The following BCL11B variants were observed in gnomAD, a reference collection of about 807,000 sequenced individuals.
BCL11B encodes B-cell lymphoma/leukemia 11B.
Under a neutral mutation model 49.9 loss-of-function variants are expected in BCL11B, and 8 were observed. That is an observed-to-expected ratio of 0.16 (90% CI 0.09 to 0.29). BCL11B has a LOEUF of 0.29. BCL11B is among the 10% of genes least tolerant of loss of function. The pLI is 1.00. For synonymous variants in BCL11B, 739 were observed against 637.4 expected (o/e 1.16, Z -2.40); for missense variants, 1,006 against 1,351.0 (o/e 0.74, Z 4.00).
Position 99,172,149 on chromosome 14 carries a change from TA to T in BCL11B, c.*2001del, listed in dbSNP as rs1886311383. The stretch of plus-strand genomic sequence containing the variant: ...AGACAGAGTGCACTAAATTTAACTT[TA>T]GAAAAAATTAGCCGTTGTTCCTGAA... On this transcript the variant is annotated 3_prime_UTR_variant, in exon 4 of 4. Coordinates refer to ENST00000357195, the MANE Select transcript of BCL11B (RefSeq NM_138576.4). 1 of 222,176 alleles carries T rather than the reference TA, an allele frequency of 4.5e-6. No homozygotes were observed. Among genetic ancestry groups the T allele is most frequent in the Admixed American group, 5.7e-5 (1 of 17,402 alleles). The allele number at this position is 222,176 out of a possible 1,614,324, so 13.8% of individuals were successfully genotyped here. A position where few individuals can be genotyped will look rare whatever the true frequency, so the allele number is the denominator to read the frequency against.
At chr14:99,260,467 T>C (rs538377574) in intron 1 of BCL11B, among the ~76,000 whole-genome samples, 1 of 152,288 alleles carries the variant, frequency 6.6e-6, no homozygotes, top group East Asian at 1.9e-4. Context: ...CAAGCCTAAA[T>C]ATCTCCTCTC....
intron 3 of BCL11B, among the ~76,000 whole-genome samples, chr14:99,188,263 A>T (rs1886914835): frequency 6.6e-6 from 1 of 152,214 alleles, no homozygotes; most frequent in Admixed American, 6.5e-5. Flanking sequence ...GTATAATGAT[A>T]GGCAATTATA....
chr14:99,203,683 T>C (rs905976130), intron 3 of BCL11B, among the ~76,000 whole-genome samples: 12 of 152,082 alleles, frequency 7.9e-5, no homozygotes, highest in Admixed American at 5.9e-4. Context: ...CACAAATGGG[T>C]CTGAAAACTG....
At chr14:99,202,354 A>G (rs1459142867) in intron 3 of BCL11B, among the ~76,000 whole-genome samples, 1 of 152,096 alleles carries the variant, frequency 6.6e-6, no homozygotes, top group Non-Finnish European at 1.5e-5. Flanking sequence ...AGGAGCCTCT[A>G]AGAGTTCTTT....
intron 3 of BCL11B, among the ~76,000 whole-genome samples, chr14:99,217,855 A>C (rs1887897726): frequency 6.6e-6 from 1 of 152,178 alleles, no homozygotes; most frequent in African/African-American, 2.4e-5. Context: ...TGGTGACATC[A>C]TCACATGCCA....
chr14:99,264,642 A>C (rs1369396791), intron 1 of BCL11B: 1 of 152,108 alleles, frequency 6.6e-6, no homozygotes, highest in Non-Finnish European at 1.5e-5. Context: ...GAATTTCTTG[A>C]TTTTCAGCAA....
rs371022469 is a variant in BCL11B, at chr14:99,242,672, C to T, written c.428-11115G>A. Among the ~76,000 whole-genome samples the T allele has an allele frequency of 5.3e-5, 8 of 152,238 alleles. No individual in the cohort carries two copies. Among genetic ancestry groups the T allele is most frequent in the African/African-American group, 1.4e-4 (6 of 41,462 alleles). ...GAACAAACCAAATACATAAAGAAAG[C>T]TTCTGTATTTCCTAACTAACAAGAC... On this transcript the variant is annotated intron_variant, in intron 2 of 3. Transcript: ENST00000357195. The surrounding 1 kb of genome is among the most constrained non-coding windows in gnomAD (Gnocchi z 4.4).
At chr14:99,243,378 C>T (rs1888726603) in intron 2 of BCL11B, among the ~76,000 whole-genome samples, 1 of 152,172 alleles carries the variant, frequency 6.6e-6, no homozygotes, top group African/African-American at 2.4e-5. Context: ...CTATTTGATT[C>T]CTTTCCCTTT....
intron 3 of BCL11B, among the ~76,000 whole-genome samples, chr14:99,188,581 T>A (rs1886927835): frequency 6.6e-6 from 1 of 151,378 alleles, no homozygotes; most frequent in Non-Finnish European, 1.5e-5. Flanking sequence ...GGGCTGGGGC[T>A]GGGGCTAGGG....
At chr14:99,183,785 C>T (rs983369779) in intron 3 of BCL11B, among the ~76,000 whole-genome samples, 5 of 151,956 alleles carry the variant, frequency 3.3e-5, no homozygotes, top group African/African-American at 1.2e-4. Flanking sequence ...AAGGACTAGA[C>T]CTGGGAGGAC....
At chr14:99,191,790 G>A (rs1392087768) in intron 3 of BCL11B, among the ~76,000 whole-genome samples, 2 of 152,152 alleles carry the variant, frequency 1.3e-5, no homozygotes, top group Admixed American at 1.3e-4. Flanking sequence ...GGGATGTCAG[G>A]GGCTGCCCTA....
In BCL11B at chr14:99,175,796, C is replaced by T. The variant is rs867540051; in HGVS notation, c.1040G>A (p.Arg347Gln). The change falls in exon 4 of 4, where the codon CGA becomes CAA. Residue 347 changes from arginine (R) to glutamine (Q), a missense_variant. By Grantham distance (43) the Arg-to-Gln change is conservative. Coordinates refer to ENST00000357195, the MANE Select transcript of BCL11B (RefSeq NM_138576.4). ...LVAQHPSAFD[R>Q]VMRLNPMAID... ...GGCCATGGGGTTCAGGCGCATGACT[C>T]GGTCGAAGGCACTGGGGTGCTGGGC... 6.8e-7 allele frequency: 1 copy of T among 1,471,260 alleles called. No individual in the cohort carries two copies. Among genetic ancestry groups the T allele is most frequent in the Admixed American group, 2.6e-5 (1 of 38,796 alleles). 91.1% of individuals were successfully genotyped at this position (1,471,260 alleles called of 1,614,324 possible).
chr14:99,218,061 GTTTT>G (rs35487573), intron 3 of BCL11B, among the ~76,000 whole-genome samples: 4 of 116,918 alleles, frequency 3.4e-5, no homozygotes, highest in African/African-American at 6.3e-5. Context: ...ATCATTGCAG[GTTTT>G]TTTTTTTTTT....
Position 99,174,875 on chromosome 14 carries a change from C to T in BCL11B, c.1961G>A (p.Arg654His). Residue 654 changes from arginine (R) to histidine (H), a missense_variant, in exon 4 of 4, where the codon CGC becomes CAC. Around this residue, in one of 6 missense-constraint regions of BCL11B, gnomAD observed 443 missense variants for 499.7 expected, o/e 0.89. Coordinates refer to ENST00000357195, the MANE Select transcript of BCL11B (RefSeq NM_138576.4). ...DAGAGGAVNG[R>H]GGGFAPGTEP... ...GGTGCCTGGCGCGAAGCCGCCCCCG[C>T]GCCCGTTGACCGCGCCGCCCGCGCC... 8.7e-7 allele frequency: 1 copy of T among 1,144,646 alleles called. No homozygotes were observed. Among genetic ancestry groups the T allele is most frequent in the Non-Finnish European group, 1.1e-6 (1 of 933,044 alleles). 70.9% of individuals were successfully genotyped at this position (1,144,646 alleles called of 1,614,324 possible). A position where few individuals can be genotyped will look rare whatever the true frequency, so the allele number is the denominator to read the frequency against.
chr14:99,215,886 C>T (rs372754498), intron 3 of BCL11B, among the ~76,000 whole-genome samples: 2 of 152,158 alleles, frequency 1.3e-5, no homozygotes, highest in African/African-American at 2.4e-5. Flanking sequence ...AAACCCAAAA[C>T]GAAGGAGAAA....
rs371967653 is a variant in BCL11B at position 99,213,699 on chromosome 14, T to A, written c.640+17646A>T. On this transcript the variant is annotated intron_variant, in intron 3 of 3. Coordinates refer to ENST00000357195, the MANE Select transcript of BCL11B (RefSeq NM_138576.4). This position sits in a 1 kb window ranked among gnomAD's most constrained non-coding sequence, Gnocchi z 5.1. ...AAAGGTCTAAGGGGAAGGCATAGAG[T>A]CCAGCGTCAGCCACACGTGTCCTAG... is the stretch of plus-strand genomic sequence containing the variant. 6.6e-6 allele frequency among the ~76,000 whole-genome samples: 1 copy of A among 151,802 alleles called. No homozygotes were observed. Among genetic ancestry groups the A allele is most frequent in the East Asian group, 1.9e-4 (1 of 5,146 alleles).
intron 3 of BCL11B, among the ~76,000 whole-genome samples, chr14:99,201,377 C>A (rs1387817895): frequency 6.6e-6 from 1 of 152,184 alleles, no homozygotes; most frequent in Non-Finnish European, 1.5e-5. Context: ...TCATCTAGAG[C>A]CTGATGAAGG....
chr14:99,199,640 CTG>C (rs79328426), intron 3 of BCL11B, among the ~76,000 whole-genome samples: 6,203 of 109,306 alleles, frequency 0.057, 155 homozygotes, highest in East Asian at 0.1. Flanking sequence ...TGGCTAAATG[CTG>C]TGTGTGTGTG....
chr14:99,212,181 A>G (rs1241436019), intron 3 of BCL11B, among the ~76,000 whole-genome samples: 1 of 152,198 alleles, frequency 6.6e-6, no homozygotes, highest in African/African-American at 2.4e-5. Context: ...GGGCTAGAGC[A>G]ACTTGCTGAA....
Sources: allele counts gnomAD v4.1 joint callset (sites outside exome capture counted in the v4.1 genomes callset), GRCh38; gene constraint gnomAD v4.1.1; regional missense constraint gnomAD v4.1.1; non-coding constraint Gnocchi (gnomAD v3.1); transcripts MANE v1.5; gene names NCBI Gene and HGNC (gene_info 2026-07-23, HGNC 2026-07-21).